ATP10B: variants seen among roughly 807,000 people sequenced by gnomAD.
The protein encoded by ATP10B is ATPase phospholipid transporting 10B (putative).
In ATP10B, 122 loss-of-function variants were observed where a neutral mutation model predicts 141.2. The observed-to-expected ratio is 0.86, with a 90% CI of 0.75 to 1.00. The LOEUF is 1.00. Among genes scored for constraint, ATP10B ranks in the 50% least tolerant of loss-of-function variants. ATP10B has a pLI of 0.00. For synonymous variants in ATP10B, 685 were observed against 692.0 expected, an observed-to-expected ratio of 0.99 and a Z score of 0.16; for missense variants, 1,876 against 1,825.3, an observed-to-expected ratio of 1.03 and a Z score of -0.51.
intron 6 of ATP10B, among the ~76,000 whole-genome samples, chr5:160,685,563 G>A (rs139615087): frequency 1.4e-4 from 22 of 152,320 alleles, no homozygotes; most frequent in African/African-American, 5.3e-4. Flanking sequence ...CCAAGCAACT[G>A]AGGCTTTAAA....
intron 2 of ATP10B, among the ~76,000 whole-genome samples, chr5:160,768,025 C>A (rs530264161): frequency 6.6e-6 from 1 of 152,054 alleles, no homozygotes; most frequent in African/African-American, 2.4e-5. Flanking sequence ...TTCCTCTACC[C>A]TACCTGATGC....
the ATP10B span, among the ~76,000 whole-genome samples, chr5:160,874,901 C>G: frequency 6.9e-6 from 1 of 145,360 alleles, no homozygotes; most frequent in Non-Finnish European, 1.5e-5. Flanking sequence ...ACCAAATCTA[C>G]ATCTGATTGG....
chr5:160,614,907 A>C (rs1030243665), intron 17 of ATP10B, among the ~76,000 whole-genome samples: 2 of 152,108 alleles, frequency 1.3e-5, no homozygotes, highest in African/African-American at 4.8e-5. Context: ...TGGCCAGTGC[A>C]TGCTGTTTGG....
chr5:160,731,184 A>G (rs1298189283), intron 2 of ATP10B, among the ~76,000 whole-genome samples: 1 of 152,230 alleles, frequency 6.6e-6, no homozygotes, highest in East Asian at 1.9e-4. Flanking sequence ...TCTTAAACCC[A>G]GGAAAGCTAC....
chr5:160,637,149 C>CATCT (rs1161128664), intron 10 of ATP10B, among the ~76,000 whole-genome samples: 11 of 151,112 alleles, frequency 7.3e-5, no homozygotes, highest in Non-Finnish European at 1.0e-4. Context: ...TCCATCCATC[C>CATCT]ATCTGTCCAT....
intron 2 of ATP10B, among the ~76,000 whole-genome samples, chr5:160,772,094 G>T (rs1769946654): frequency 6.6e-6 from 1 of 152,236 alleles, no homozygotes; most frequent in Admixed American, 6.5e-5. Context: ...TGAGAGCAGA[G>T]ATTTCTCTTA....
the ATP10B span, among the ~76,000 whole-genome samples, chr5:160,911,502 G>A: frequency 6.6e-6 from 1 of 152,198 alleles, no homozygotes; most frequent in African/African-American, 2.4e-5. Flanking sequence ...GAAGTAGGAG[G>A]CTAGACTAGA....
chr5:160,694,568 T>C (rs1764257261), intron 3 of ATP10B, among the ~76,000 whole-genome samples: 1 of 152,174 alleles, frequency 6.6e-6, no homozygotes. Flanking sequence ...GGAATTCTGT[T>C]TCTCTCTCCC....
At chr5:160,755,394 T>C (rs1056360611) in intron 2 of ATP10B, among the ~76,000 whole-genome samples, 2 of 152,186 alleles carry the variant, frequency 1.3e-5, no homozygotes, top group Non-Finnish European at 2.9e-5. Flanking sequence ...ACAATTTCGT[T>C]GTCGTGTGAA....
At chr5:160,707,572 G>A (rs1393190932) in intron 3 of ATP10B, among the ~76,000 whole-genome samples, 1 of 152,214 alleles carries the variant, frequency 6.6e-6, no homozygotes, top group African/African-American at 2.4e-5. Flanking sequence ...ATATGCGCAT[G>A]TTATGTTCTG....
chr5:160,744,516 C>G (rs1767677734), intron 2 of ATP10B, among the ~76,000 whole-genome samples: 1 of 152,216 alleles, frequency 6.6e-6, no homozygotes, highest in Non-Finnish European at 1.5e-5. Context: ...AGATTCCCAT[C>G]TCCCTCAGTC....
At chr5:160,921,553 T>C in the ATP10B span, among the ~76,000 whole-genome samples, 1 of 152,230 alleles carries the variant, frequency 6.6e-6, no homozygotes, top group Non-Finnish European at 1.5e-5. Context: ...ACCAGAGCTT[T>C]CCGCAATGTC....
At chr5:160,609,360 G>T (rs992602482) in intron 18 of ATP10B, among the ~76,000 whole-genome samples, 1 of 148,932 alleles carries the variant, frequency 6.7e-6, no homozygotes, top group Non-Finnish European at 1.5e-5. Context: ...TCTGTGTGGG[G>T]GAATATGTCT....
intron 6 of ATP10B, among the ~76,000 whole-genome samples, chr5:160,673,533 GT>G (rs34256429): frequency 0.016 from 2,421 of 150,146 alleles, 59 homozygotes; most frequent in African/African-American, 0.055. Flanking sequence ...ATTTTGTTTT[GT>G]TTTTTTTTTT....
intron 1 of ATP10B, among the ~76,000 whole-genome samples, chr5:160,848,273 G>A (rs759367932): frequency 1.3e-5 from 2 of 152,182 alleles, no homozygotes; most frequent in African/African-American, 4.8e-5. Flanking sequence ...TAAGGATGTA[G>A]CAAGTTCCTA....
Position 160,622,532 on chromosome 5 carries a change from G to T in ATP10B, c.1674C>A (p.Ala558=), listed in dbSNP as rs377185348. 1.2e-6 allele frequency: 2 copies of T among 1,613,828 alleles called. No homozygotes were observed. Among genetic ancestry groups the T allele is most frequent in the Non-Finnish European group, 1.7e-6 (2 of 1,179,968 alleles). The stretch of plus-strand genomic sequence containing the variant: ...TGTCTGACAAGGTCTCCAACCACAG[G>T]GCAGCATCTCGAACCTTGGTCAGTA... The part of the protein sequence containing the change: ...KNLLTKVRDA[A]LWLETLSDSR... Residue 558 remains alanine, a synonymous_variant, in exon 14 of 26, where the codon GCC becomes GCA. Coordinates refer to ENST00000327245, the MANE Select transcript of ATP10B (RefSeq NM_025153.3).
the ATP10B span, among the ~76,000 whole-genome samples, chr5:160,866,822 G>C: frequency 1.4e-4 from 21 of 152,184 alleles, no homozygotes; most frequent in African/African-American, 4.6e-4. Flanking sequence ...CCAAAATCTT[G>C]AATTACCACT....
intron 22 of ATP10B, among the ~76,000 whole-genome samples, chr5:160,595,000 C>T (rs1756578829): frequency 6.6e-6 from 1 of 152,188 alleles, no homozygotes; most frequent in Non-Finnish European, 1.5e-5. Flanking sequence ...AGAAAGTTAA[C>T]AAGGATATCC....
At chr5:160,635,708 T>C (rs1759314454) in intron 11 of ATP10B, among the ~76,000 whole-genome samples, 1 of 152,236 alleles carries the variant, frequency 6.6e-6, no homozygotes, top group Non-Finnish European at 1.5e-5. Context: ...CACATTTGTC[T>C]CACTTTTTTC....
Sources: allele counts gnomAD v4.1 joint callset (sites outside exome capture counted in the v4.1 genomes callset), GRCh38; gene constraint gnomAD v4.1.1; transcripts MANE v1.5; gene names NCBI Gene and HGNC (gene_info 2026-07-23, HGNC 2026-07-21).